Variants in CNIH3 observed in about 807,000 individuals in gnomAD.
CNIH3 encodes protein cornichon homolog 3.
In CNIH3, 14 loss-of-function variants were observed where a neutral mutation model predicts 24.1. That is an observed-to-expected ratio of 0.58 (90% CI 0.38 to 0.91). The LOEUF is 0.91. Among genes scored for constraint, CNIH3 ranks in the 40% least tolerant of loss-of-function variants. CNIH3 has a pLI of 0.00. For synonymous variants in CNIH3, 68 were observed against 73.8 expected (o/e 0.92, Z 0.40); for missense variants, 178 against 196.8 (o/e 0.90, Z 0.57).
At chr1:224,678,274 A>T (rs1047295373) in intron 1 of CNIH3, among the ~76,000 whole-genome samples, 6 of 152,192 alleles carry the variant, frequency 3.9e-5, no homozygotes, top group African/African-American at 1.4e-4. Flanking sequence ...ACATGAAAAG[A>T]CCTAGGGCTT....
At chr1:224,471,163 C>T (rs1256158929) in intron 1 of CNIH3, among the ~76,000 whole-genome samples, 1 of 151,968 alleles carries the variant, frequency 6.6e-6, no homozygotes, top group Non-Finnish European at 1.5e-5. Context: ...CTCAGCCTCC[C>T]GGGTAGCTGG....
intron 1 of CNIH3, among the ~76,000 whole-genome samples, chr1:224,486,546 C>G (rs115367302): frequency 1.4e-3 from 215 of 152,182 alleles, no homozygotes; most frequent in African/African-American, 4.7e-3. Context: ...TTCCTGTATA[C>G]ACACATACAC....
intron 1 of CNIH3, among the ~76,000 whole-genome samples, chr1:224,486,183 G>T (rs1677022134): frequency 2.0e-5 from 3 of 152,090 alleles, no homozygotes; most frequent in African/African-American, 7.2e-5. Flanking sequence ...ACGGCTTACT[G>T]CAGCCTCCAA....
At chr1:224,496,596 T>C (rs192670782) in intron 1 of CNIH3, among the ~76,000 whole-genome samples, 10 of 152,248 alleles carry the variant, frequency 6.6e-5, no homozygotes, top group South Asian at 2.1e-4. Flanking sequence ...CCCAGGAAGG[T>C]GCTGCTGCTT....
At chr1:224,509,000 C>T (rs1344857409) in intron 1 of CNIH3, among the ~76,000 whole-genome samples, 4 of 152,090 alleles carry the variant, frequency 2.6e-5, no homozygotes, top group Admixed American at 6.6e-5. Context: ...TTGCCTGTAT[C>T]GTCTACTCCT....
intron 1 of CNIH3, among the ~76,000 whole-genome samples, chr1:224,491,800 G>T (rs2124847768): frequency 6.6e-6 from 1 of 152,166 alleles, no homozygotes; most frequent in East Asian, 1.9e-4. Context: ...TAGAGATGGG[G>T]TTTCACCATG....
At chr1:224,585,450 A>G (rs1177597165) in intron 5 of CNIH3, among the ~76,000 whole-genome samples, 2 of 151,976 alleles carry the variant, frequency 1.3e-5, no homozygotes, top group East Asian at 3.9e-4. Context: ...TACTGGTGAT[A>G]TTAAACCAAA....
intron 1 of CNIH3, among the ~76,000 whole-genome samples, chr1:224,504,224 A>G (rs943874031): frequency 1.3e-5 from 2 of 152,330 alleles, no homozygotes; most frequent in Admixed American, 6.5e-5. Context: ...GGACAAGACT[A>G]CAACCTACTT....
intron 2 of CNIH3, 72 bp downstream of exon 2, chr1:224,681,098 G>A: frequency 1.6e-6 from 2 of 1,249,778 alleles, no homozygotes; most frequent in Non-Finnish European, 2.4e-6. Context: ...AGGAGGGTGA[G>A]AATGTGAATG....
chr1:224,569,244 T>C (rs1172981318), intron 4 of CNIH3, among the ~76,000 whole-genome samples: 2 of 152,254 alleles, frequency 1.3e-5, no homozygotes, highest in African/African-American at 4.8e-5. Flanking sequence ...TTTTGAATGT[T>C]GTTGGACTTT....
intron 1 of CNIH3, among the ~76,000 whole-genome samples, chr1:224,457,453 A>G (rs543743182): frequency 6.6e-6 from 1 of 151,404 alleles, no homozygotes; most frequent in African/African-American, 2.4e-5. Context: ...CAGTGCTTTC[A>G]CAGAGCTTCT....
chr1:224,490,409 T>C (rs770980545), intron 1 of CNIH3, among the ~76,000 whole-genome samples: 2 of 152,222 alleles, frequency 1.3e-5, no homozygotes, highest in Non-Finnish European at 2.9e-5. Context: ...GTTTTGTCTC[T>C]GGGTGCAAAG....
At chr1:224,728,302 G>T (rs570959382) in intron 3 of CNIH3, among the ~76,000 whole-genome samples, 4 of 152,198 alleles carry the variant, frequency 2.6e-5, no homozygotes, top group Non-Finnish European at 5.9e-5. Context: ...TGAATGGGAG[G>T]GGGTAGGGTG....
chr1:224,519,607 A>C (rs539633853), intron 1 of CNIH3, among the ~76,000 whole-genome samples: 2 of 149,632 alleles, frequency 1.3e-5, no homozygotes, highest in East Asian at 3.9e-4. Flanking sequence ...TAATATATTA[A>C]ATAATATATA....
At chr1:224,482,633 T>C (rs1676860203) in intron 1 of CNIH3, among the ~76,000 whole-genome samples, 1 of 151,916 alleles carries the variant, frequency 6.6e-6, no homozygotes. Flanking sequence ...AAGTCTTCTT[T>C]ACTCTTTCCT....
chr1:224,597,001 A>C (rs1367744736), intron 3 of CNIH3, among the ~76,000 whole-genome samples: 1 of 151,990 alleles, frequency 6.6e-6, no homozygotes, highest in Non-Finnish European at 1.5e-5. Context: ...AAAAATACAA[A>C]ATTAGCCAGG....
chr1:224,507,803 A>G (rs1435402656), intron 1 of CNIH3, among the ~76,000 whole-genome samples: 1 of 152,202 alleles, frequency 6.6e-6, no homozygotes, highest in Non-Finnish European at 1.5e-5. Context: ...TAAACTATGT[A>G]TGTTCACATT....
chr1:224,573,221 T>C (rs1276711274), intron 4 of CNIH3, among the ~76,000 whole-genome samples: 4 of 152,342 alleles, frequency 2.6e-5, no homozygotes, highest in South Asian at 4.1e-4. Context: ...AACAAACTTA[T>C]GGTTTTGTTG....
rs141451862 is a variant in CNIH3, at chr1:224,647,507, C to G, written c.81+30252C>G. ...TGGGGATGGGCAGAAGCTGGGACAT[C>G]ACTCACTGCCAGGGACTGGGTTCTG... On this transcript the variant is annotated intron_variant, in intron 1 of 5. Coordinates refer to ENST00000272133, the MANE Select transcript of CNIH3 (RefSeq NM_152495.2). 1.1e-3 allele frequency among the ~76,000 whole-genome samples: 163 copies of G among 152,300 alleles called. No individual in the cohort carries two copies. In the East Asian group the frequency reaches 0.03, roughly 28 times the overall value.
Sources: allele counts gnomAD v4.1 joint callset (sites outside exome capture counted in the v4.1 genomes callset), GRCh38; gene constraint gnomAD v4.1.1; transcripts MANE v1.5; gene names NCBI Gene and HGNC (gene_info 2026-07-23, HGNC 2026-07-21).